MAGI1: variants seen among roughly 807,000 people sequenced by gnomAD.
MAGI1 encodes the protein membrane-associated guanylate kinase, WW and PDZ domain-containing protein 1.
A neutral mutation model predicts 139.9 loss-of-function variants in MAGI1; 58 were observed. That is an observed-to-expected ratio of 0.41 (90% CI 0.34 to 0.52). The LOEUF (loss-of-function observed/expected upper bound fraction) is 0.52, where lower values mean the gene tolerates loss of function less well. MAGI1 is among the 20% of genes least tolerant of loss of function. MAGI1 has a pLI of 0.12. For synonymous variants in MAGI1, 812 were observed against 737.9 expected (o/e 1.10, Z -1.63); for missense variants, 1,874 against 1,901.6 (o/e 0.99, Z 0.27).
chr3:65,602,770 T>C (rs563070817), intron 2 of MAGI1, among the ~76,000 whole-genome samples: 2 of 152,124 alleles, frequency 1.3e-5, no homozygotes, highest in Admixed American at 6.5e-5. Flanking sequence ...TACTGGACAC[T>C]ATTGGCAATA....
At chr3:65,921,176 A>T (rs2062162438) in intron 1 of MAGI1, among the ~76,000 whole-genome samples, 1 of 152,222 alleles carries the variant, frequency 6.6e-6, no homozygotes, top group African/African-American at 2.4e-5. Flanking sequence ...CCACTGCAGA[A>T]TTATTTAACA....
At chr3:65,950,044 C>CAAAAAAAAAAAAAA (rs143046732) in intron 1 of MAGI1, among the ~76,000 whole-genome samples, 1 of 49,790 alleles carries the variant, frequency 2.0e-5, no homozygotes, top group Non-Finnish European at 3.4e-5. Context: ...GCCAGATCAT[C>CAAAAAAAAAAAAAA]AAAAAAAAAA....
chr3:65,624,215 T>C (rs1288978685), intron 1 of MAGI1, among the ~76,000 whole-genome samples: 2 of 152,050 alleles, frequency 1.3e-5, no homozygotes, highest in East Asian at 3.9e-4. Context: ...AATTTGTCAA[T>C]ATCTTAGAAA....
Position 65,439,898 on chromosome 3 carries a change from C to CTGCTGCTGCTGCTGCTGCTGT in MAGI1, c.1250_1251insACAGCAGCAGCAGCAGCAGCA (p.Gln415_Gln421dup). The CTGCTGCTGCTGCTGCTGCTGT allele has an allele frequency of 6.2e-7, 1 of 1,609,088 alleles. No homozygotes were observed. Among genetic ancestry groups the CTGCTGCTGCTGCTGCTGCTGT allele is most frequent in the Non-Finnish European group, 8.5e-7 (1 of 1,177,154 alleles). On this transcript the variant is annotated inframe_insertion, in exon 9 of 23. Coordinates refer to ENST00000402939, the MANE Select transcript of MAGI1 (RefSeq NM_001033057.2). ...GCCAACCTTCTGTCTGCTGCTGCTG[C>CTGCTGCTGCTGCTGCTGCTGT]TGCTGCTGCTGCTGCTGTTGCTGCT...
chr3:65,788,559 C>G (rs2039548141), intron 1 of MAGI1, among the ~76,000 whole-genome samples: 1 of 152,212 alleles, frequency 6.6e-6, no homozygotes, highest in Admixed American at 6.5e-5. Context: ...AGCTGCGTTG[C>G]AGAGGTCTGC....
At chr3:65,945,441 G>A (rs960156429) in intron 1 of MAGI1, among the ~76,000 whole-genome samples, 2 of 152,176 alleles carry the variant, frequency 1.3e-5, no homozygotes, top group Non-Finnish European at 2.9e-5. Context: ...TATCTGCTGT[G>A]AAAGCAAACT....
At chr3:65,418,177 A>G (rs1416101281) in intron 12 of MAGI1, among the ~76,000 whole-genome samples, 2 of 152,198 alleles carry the variant, frequency 1.3e-5, no homozygotes, top group African/African-American at 4.8e-5. Flanking sequence ...ACTGTTGTCC[A>G]TCCTCCGTAC....
chr3:65,698,066 T>TACACAAATACACA, intron 1 of MAGI1, among the ~76,000 whole-genome samples: 1 of 99,466 alleles, frequency 1.0e-5, no homozygotes, highest in Non-Finnish European at 2.0e-5. Context: ...TCACAAGCAT[T>TACACAAATACACA]CTTATACACC....
intron 18 of MAGI1, 70 bp downstream of exon 18, chr3:65,375,675 G>T (rs1942447110): frequency 1.6e-6 from 2 of 1,286,716 alleles, no homozygotes; most frequent in Non-Finnish European, 2.2e-6. Context: ...GAGAGAAAGA[G>T]AAAAGGAAAA....
At chr3:65,711,752 G>A (rs764686037) in intron 1 of MAGI1, among the ~76,000 whole-genome samples, 1 of 152,146 alleles carries the variant, frequency 6.6e-6, no homozygotes, top group Admixed American at 6.5e-5. Context: ...GCAGGAGTCT[G>A]GCAGCCAAGG....
intron 2 of MAGI1, among the ~76,000 whole-genome samples, chr3:65,508,858 G>C (rs1226540791): frequency 6.6e-6 from 1 of 152,054 alleles, no homozygotes; most frequent in African/African-American, 2.4e-5. Context: ...CTCACTCTTG[G>C]GTTCCATCTG....
At chr3:65,895,872 T>C (rs369895740) in intron 1 of MAGI1, among the ~76,000 whole-genome samples, 25 of 152,338 alleles carry the variant, frequency 1.6e-4, no homozygotes, top group African/African-American at 5.5e-4. Flanking sequence ...GCAAGTAATA[T>C]TTCCCTGGAA....
intron 1 of MAGI1, among the ~76,000 whole-genome samples, chr3:65,822,101 A>C (rs559264427): frequency 2.0e-5 from 3 of 152,302 alleles, no homozygotes; most frequent in East Asian, 3.9e-4. Flanking sequence ...GGTAATCCAC[A>C]CTATGGGAAA....
chr3:65,967,522 A>G (rs1451352852), intron 1 of MAGI1, among the ~76,000 whole-genome samples: 2 of 152,216 alleles, frequency 1.3e-5, no homozygotes, highest in East Asian at 1.9e-4. Context: ...GGTTGCCCCA[A>G]CTGGGGCCAA....
chr3:66,016,933 C>G (rs558591258), intron 1 of MAGI1, among the ~76,000 whole-genome samples: 2 of 152,208 alleles, frequency 1.3e-5, no homozygotes, highest in East Asian at 3.9e-4. Flanking sequence ...TATGAGGTAT[C>G]TGGAGTAGTC....
In MAGI1 at chr3:65,453,261, C is replaced by G. The variant is rs765136787; in HGVS notation, c.1039G>C (p.Asp347His). 1.2e-6 allele frequency: 2 copies of G among 1,613,600 alleles called. No homozygotes were observed. The highest frequency in any genetic ancestry group is 2.7e-5 in the African/African-American group (2 of 74,828). ...QQKPLEECED[D>H]EGVHTEELDS... is the part of the protein sequence containing the mutation. ...CAAGACCTGCCTGGCCCCTTACCAT[C>G]ATCTTCACACTCTTCCAGTGGCTTC... The change falls in exon 6 of 23, where the codon GAT (aspartate) becomes CAT (histidine). Residue 347 changes from aspartate to histidine, a missense_variant. Asp to His is a moderately conservative substitution (Grantham distance 81). Around this residue, in one of 5 missense-constraint regions of MAGI1, gnomAD observed 648 missense variants for 598.1 expected, o/e 1.08. Coordinates refer to ENST00000402939, the MANE Select transcript of MAGI1 (RefSeq NM_001033057.2).
At chr3:66,017,643 C>T (rs2067724986) in intron 1 of MAGI1, among the ~76,000 whole-genome samples, 1 of 152,216 alleles carries the variant, frequency 6.6e-6, no homozygotes, top group Non-Finnish European at 1.5e-5. Context: ...GGTACACACA[C>T]TTCACAGCAC....
intron 1 of MAGI1, among the ~76,000 whole-genome samples, chr3:65,693,876 T>C (rs746761412): frequency 2.7e-5 from 4 of 146,036 alleles, no homozygotes; most frequent in South Asian, 4.5e-4. Flanking sequence ...GCGTGGACCA[T>C]CATGCCTGGC....
chr3:65,589,554 T>G (rs2081862770), intron 2 of MAGI1, among the ~76,000 whole-genome samples: 1 of 152,162 alleles, frequency 6.6e-6, no homozygotes, highest in African/African-American at 2.4e-5. Context: ...GCTTCCTTGT[T>G]GACCCCCCCT....
Sources: gnomAD v4.1 joint callset for allele counts (sites outside exome capture counted in the v4.1 genomes callset) on GRCh38, gnomAD v4.1.1 for gene constraint, gnomAD v4.1.1 regional missense constraint, MANE v1.5 for transcripts, NCBI Gene and HGNC (gene_info 2026-07-23, HGNC 2026-07-21) for gene names.